B3GALT5: variants seen among roughly 807,000 people sequenced by gnomAD.
The protein encoded by B3GALT5 is UDP-Gal:betaGlcNAc beta 1,3-galactosyltransferase, polypeptide 5.
For missense variants in B3GALT5, 328 were observed against 396.6 expected, an observed-to-expected ratio of 0.83 and a Z score of 1.47; for synonymous variants, 156 against 158.6, an observed-to-expected ratio of 0.98 and a Z score of 0.12.
chr21:39,652,903 A>G (rs1188054688), intron 2 of B3GALT5, among the ~76,000 whole-genome samples: 1 of 152,242 alleles, frequency 6.6e-6, no homozygotes, highest in African/African-American at 2.4e-5. Context: ...GCAATTCTAC[A>G]GAACATGTGT....
In B3GALT5 at chr21:39,666,741, A is replaced by G. The variant is rs1055889200; in HGVS notation, c.*5249A>G. ...TTAATTCCTGCTCCTCTTCAAACAC[A>G]CCATTGTAACCACATAATACACTGT... On this transcript the variant is annotated 3_prime_UTR_variant, in exon 4 of 4. Transcript: ENST00000684187. 1.3e-5 allele frequency: 2 copies of G among 152,250 alleles called. No homozygotes were observed. The highest frequency in any genetic ancestry group is 4.8e-5 in the African/African-American group (2 of 41,450). The allele number at this position is 152,250 out of a possible 1,614,324, so 9.4% of individuals were successfully genotyped here. A position where few individuals can be genotyped will look rare whatever the true frequency, so the allele number is the denominator to read the frequency against.
intron 1 of B3GALT5, among the ~76,000 whole-genome samples, chr21:39,645,414 T>G (rs1245825064): frequency 6.6e-6 from 1 of 152,216 alleles, no homozygotes; most frequent in Non-Finnish European, 1.5e-5. Flanking sequence ...CAGCCAGAGA[T>G]GGCTTCTTTT....
intron 2 of B3GALT5, among the ~76,000 whole-genome samples, chr21:39,658,730 G>A (rs1298443791): frequency 1.3e-5 from 2 of 152,162 alleles, no homozygotes; most frequent in African/African-American, 2.4e-5. Flanking sequence ...CTTCTGCTGT[G>A]ATTTCTCTGA....
chr21:39,652,781 G>A (rs2079407622), intron 2 of B3GALT5, among the ~76,000 whole-genome samples: 1 of 152,206 alleles, frequency 6.6e-6, no homozygotes. Flanking sequence ...GAACTTCAGA[G>A]CTGACAAAAA....
At chr21:39,634,134 C>T (rs559711171) in intron 1 of B3GALT5, among the ~76,000 whole-genome samples, 1 of 152,200 alleles carries the variant, frequency 6.6e-6, no homozygotes, top group Non-Finnish European at 1.5e-5. Flanking sequence ...CTACCCAATT[C>T]TGTTTTCTTT....
Position 39,666,280 on chromosome 21 carries a change from T to G in B3GALT5, c.*4788T>G, listed in dbSNP as rs2079577584. ...CCGACACCTGGCCAGTCCTGTCTCA[T>G]CTACACTGTCATGCAAACTCTTGTT... On this transcript the variant is annotated 3_prime_UTR_variant, in exon 4 of 4. Transcript: ENST00000684187. 1 of 152,502 alleles carries G rather than the reference T, an allele frequency of 6.6e-6. No homozygotes were observed. Among genetic ancestry groups the G allele is most frequent in the African/African-American group, 2.4e-5 (1 of 41,446 alleles). 9.4% of individuals were successfully genotyped at this position (152,502 alleles called of 1,614,324 possible).
intron 2 of B3GALT5, chr21:39,657,904 T>C (rs2222996): frequency 0.79 from 966,849 of 1,231,032 alleles, 382,153 homozygotes; most frequent in Non-Finnish European, 0.81. Context: ...GTAGGGCTTC[T>C]GTAGCACAGA....
chr21:39,652,799 C>T (rs1296413989), intron 2 of B3GALT5, among the ~76,000 whole-genome samples: 1 of 152,214 alleles, frequency 6.6e-6, no homozygotes, highest in Non-Finnish European at 1.5e-5. Flanking sequence ...AAAAAGCAAA[C>T]TCCAGACTTT....
At chr21:39,616,173 C>A (rs2079106499) in intron 1 of B3GALT5, among the ~76,000 whole-genome samples, 1 of 152,100 alleles carries the variant, frequency 6.6e-6, no homozygotes, top group Non-Finnish European at 1.5e-5. Context: ...CATAGCAAGA[C>A]CCCGTCTCTG....
chr21:39,650,810 T>C (rs2079387798), intron 2 of B3GALT5, among the ~76,000 whole-genome samples: 1 of 151,824 alleles, frequency 6.6e-6, no homozygotes, highest in Non-Finnish European at 1.5e-5. Context: ...TAAAAAATTG[T>C]CAGCTACTAT....
At chr21:39,635,801 A>G in intron 1 of B3GALT5, among the ~76,000 whole-genome samples, 1 of 152,044 alleles carries the variant, frequency 6.6e-6, no homozygotes, top group East Asian at 1.9e-4. Context: ...GTTAATCCTC[A>G]CATTCCTATC....
rs191745151 is a variant in B3GALT5, at chr21:39,620,398, A to G, written c.-392+7331A>G. On this transcript the variant is annotated intron_variant, in intron 1 of 3. Transcript: ENST00000684187. ...GTTATGCATTTTTGGTAATAATACC[A>G]CGGAAATTTGATAAATGTGATGCAT... is the stretch of plus-strand genomic sequence containing the variant. 3.3e-5 allele frequency among the ~76,000 whole-genome samples: 5 copies of G among 152,336 alleles called. No homozygotes were observed. In the East Asian group the frequency reaches 7.7e-4, roughly 23 times the overall value.
chr21:39,668,173 C>A lies in B3GALT5; in HGVS notation c.*6681C>A, dbSNP rs1311586666. ...TCCAGAGACCAAGGCTCCATGTTAT[C>A]CCCAGCACCGGGCTGACCCCAAGTA... is the stretch of plus-strand genomic sequence containing the variant. On this transcript the variant is annotated 3_prime_UTR_variant, in exon 4 of 4. Coordinates refer to ENST00000684187, the MANE Select transcript of B3GALT5 (RefSeq NM_001356336.2). The A allele has an allele frequency of 6.6e-6, 1 of 152,272 alleles. No homozygotes were observed. Among genetic ancestry groups the A allele is most frequent in the African/African-American group, 2.4e-5 (1 of 41,434 alleles). 9.4% of individuals were successfully genotyped at this position (152,272 alleles called of 1,614,324 possible).
intron 1 of B3GALT5, among the ~76,000 whole-genome samples, chr21:39,639,409 TTTC>T (rs2079266853): frequency 1.1e-5 from 1 of 88,790 alleles, no homozygotes; most frequent in Admixed American, 1.2e-4. Flanking sequence ...TTTTTCTTTC[TTTC>T]TTTCTTTCTT....
At chr21:39,658,767 G>T (rs542004329) in intron 2 of B3GALT5, among the ~76,000 whole-genome samples, 1 of 152,268 alleles carries the variant, frequency 6.6e-6, no homozygotes, top group South Asian at 2.1e-4. Context: ...AGCTGGGCAG[G>T]AACTCCCCAG....
intron 1 of B3GALT5, among the ~76,000 whole-genome samples, chr21:39,631,212 G>A (rs1256537442): frequency 6.6e-6 from 1 of 152,208 alleles, no homozygotes; most frequent in African/African-American, 2.4e-5. Flanking sequence ...TCACAGTTCT[G>A]GAGGCTGAAG....
intron 1 of B3GALT5, among the ~76,000 whole-genome samples, chr21:39,628,631 T>C (rs1328816920): frequency 6.6e-6 from 1 of 152,228 alleles, no homozygotes; most frequent in Admixed American, 6.5e-5. Flanking sequence ...GTGTCAGAGA[T>C]GGAAGAATTT....
chr21:39,664,047 C>T lies in B3GALT5; in HGVS notation c.*2555C>T, dbSNP rs2079555348. 1 of 152,310 alleles carries T rather than the reference C, an allele frequency of 6.6e-6. No individual in the cohort carries two copies. The highest frequency in any genetic ancestry group is 6.5e-5 in the Admixed American group (1 of 15,292). 9.4% of individuals were successfully genotyped at this position (152,310 alleles called of 1,614,324 possible). On this transcript the variant is annotated 3_prime_UTR_variant, in exon 4 of 4. Transcript: ENST00000684187. Reference sequence around the variant, plus strand: ...GGCTGTGTAGGTATTGCCTCATCTACATGCTCTCAATGAGTTTTCCGGGGG... The same window carrying T: ...GGCTGTGTAGGTATTGCCTCATCTATATGCTCTCAATGAGTTTTCCGGGGG...
In B3GALT5 at chr21:39,669,894, C is replaced by T. The variant is rs2837111; in HGVS notation, c.*8402C>T. ...CCAGCCCTGCCCAAGGAGTGTGCCA[C>T]CTGACCCCTTTTCCTGTCTTCTGTC... On this transcript the variant is annotated 3_prime_UTR_variant, in exon 4 of 4. Transcript: ENST00000684187. 24,690 of 152,234 alleles carry T rather than the reference C, an allele frequency of 0.16. 3,512 individuals are homozygous for T. Among genetic ancestry groups the T allele is most frequent in the African/African-American group, 0.39 (16,182 of 41,468 alleles). 9.4% of individuals were successfully genotyped at this position (152,234 alleles called of 1,614,324 possible).
Sources: allele counts gnomAD v4.1 joint callset (sites outside exome capture counted in the v4.1 genomes callset), GRCh38; gene constraint gnomAD v4.1.1; transcripts MANE v1.5; gene names NCBI Gene and HGNC (gene_info 2026-07-23, HGNC 2026-07-21).